MAML3: variants seen among roughly 807,000 people sequenced by gnomAD.
MAML3 encodes mastermind like transcriptional coactivator 3.
Under a neutral mutation model 101.9 loss-of-function variants are expected in MAML3, and 27 were observed. The ratio of observed to expected loss-of-function variants is 0.27; its 90% CI spans 0.20 to 0.37. The LOEUF (loss-of-function observed/expected upper bound fraction) is 0.37. MAML3 is among the 10% of genes least tolerant of loss of function. The probability of loss-of-function intolerance (pLI) is 1.00; values close to 1 mark genes in which losing one functional copy is unlikely to be tolerated. For missense variants in MAML3, 1,316 were observed against 1,444.9 expected (o/e 0.91, Z 1.45); for synonymous variants, 501 against 555.9 (o/e 0.90, Z 1.39).
chr4:139,729,571 A>G (rs1728619141), intron 3 of MAML3, among the ~76,000 whole-genome samples: 1 of 152,228 alleles, frequency 6.6e-6, no homozygotes, highest in Non-Finnish European at 1.5e-5. Context: ...CACACCTCCT[A>G]TAAGAAAGAG....
chr4:139,893,707 T>TTATC (rs1485006149), intron 1 of MAML3, among the ~76,000 whole-genome samples: 8 of 152,150 alleles, frequency 5.3e-5, no homozygotes, highest in Non-Finnish European at 1.2e-4. Context: ...CTAAAGAGTG[T>TTATC]TATCCACTTA....
At chr4:139,755,071 G>C (rs1415143643) in intron 2 of MAML3, among the ~76,000 whole-genome samples, 1 of 152,222 alleles carries the variant, frequency 6.6e-6, no homozygotes, top group Non-Finnish European at 1.5e-5. Context: ...TGTCTGCTCA[G>C]AGCAAGGCCC....
Position 140,007,081 on chromosome 4 carries a change from C to T in MAML3, c.469-116114G>A, listed in dbSNP as rs947651563. On this transcript the variant is annotated intron_variant, in intron 1 of 4. Coordinates refer to ENST00000509479, the MANE Select transcript of MAML3 (RefSeq NM_018717.5). The stretch of plus-strand genomic sequence containing the variant: ...CATATCCTATAACATAGGATGTTGC[C>T]GTATATATTGCTGGGGCAAATATTT... Among the ~76,000 whole-genome samples, 67 of 152,130 alleles carry T rather than the reference C, an allele frequency of 4.4e-4. 2 individuals carry two copies. The highest frequency in any genetic ancestry group is 2.1e-4 in the South Asian group (1 of 4,808).
intron 2 of MAML3, among the ~76,000 whole-genome samples, chr4:139,773,273 C>A (rs1359017149): frequency 6.6e-6 from 1 of 152,112 alleles, no homozygotes; most frequent in Non-Finnish European, 1.5e-5. Context: ...CCTACCCAGT[C>A]CCAAGCATCC....
chr4:139,803,620 G>C (rs1338486854), intron 2 of MAML3, among the ~76,000 whole-genome samples: 1 of 152,132 alleles, frequency 6.6e-6, no homozygotes, highest in Non-Finnish European at 1.5e-5. Flanking sequence ...GCAGCTGAAA[G>C]TTACTAATAC....
intron 2 of MAML3, among the ~76,000 whole-genome samples, chr4:139,811,667 T>C (rs1730798789): frequency 6.6e-6 from 1 of 152,220 alleles, no homozygotes. Flanking sequence ...TTCTTAGACA[T>C]AAAGGGTCAG....
At chr4:139,875,038 C>T (rs1226138034) in intron 2 of MAML3, among the ~76,000 whole-genome samples, 5 of 152,072 alleles carry the variant, frequency 3.3e-5, no homozygotes, top group Admixed American at 6.6e-5. Flanking sequence ...CTCCTGACCT[C>T]GTGATCTGCC....
rs1448100347 is a variant in MAML3 at position 139,720,024 on chromosome 4, C to T, written c.2716G>A (p.Gly906Arg). The T allele has an allele frequency of 3.1e-6, 5 of 1,614,084 alleles. No homozygotes were observed. Among genetic ancestry groups the T allele is most frequent in the Non-Finnish European group, 3.4e-6 (4 of 1,179,902 alleles). Reference sequence around the variant, plus strand: ...CCACTCACCATTCCAACCCCCTGCCCAGAGGCAGGTTGCCTCGGTCCCTGG... The same window carrying T: ...CCACTCACCATTCCAACCCCCTGCCTAGAGGCAGGTTGCCTCGGTCCCTGG... ...QAQGPRQPAS[G>R]QGVGMVSGFG... Residue 906 changes from glycine to arginine, a missense_variant, in exon 5 of 5, where the codon GGG becomes AGG. Transcript: ENST00000509479.
intron 1 of MAML3, among the ~76,000 whole-genome samples, chr4:139,900,787 C>G (rs572425351): frequency 6.6e-6 from 1 of 152,340 alleles, no homozygotes; most frequent in African/African-American, 2.4e-5. Context: ...GAAGTTGACT[C>G]ACTGCTTACT....
intron 1 of MAML3, among the ~76,000 whole-genome samples, chr4:140,144,608 G>A (rs1729027375): frequency 6.6e-6 from 1 of 150,462 alleles, no homozygotes; most frequent in Non-Finnish European, 1.5e-5. Context: ...CATGGCAGTA[G>A]TAATAATTTA....
chr4:140,009,477 G>A (rs1277219268), intron 1 of MAML3, among the ~76,000 whole-genome samples: 1 of 152,170 alleles, frequency 6.6e-6, no homozygotes, highest in Non-Finnish European at 1.5e-5. Flanking sequence ...CTTAGCAAGA[G>A]ATCTTTTCCT....
chr4:139,820,386 A>G (rs924666517), intron 2 of MAML3, among the ~76,000 whole-genome samples: 1 of 152,124 alleles, frequency 6.6e-6, no homozygotes, highest in Non-Finnish European at 1.5e-5. Flanking sequence ...CTATCCTATC[A>G]CTCATTTCAC....
At chr4:139,958,493 T>C (rs770671215) in intron 1 of MAML3, among the ~76,000 whole-genome samples, 9 of 152,198 alleles carry the variant, frequency 5.9e-5, no homozygotes, top group Non-Finnish European at 1.3e-4. Context: ...GGTGTACAGT[T>C]ACAATTGCCA....
chr4:139,983,747 T>TA (rs1734485868), intron 1 of MAML3, among the ~76,000 whole-genome samples: 1 of 152,172 alleles, frequency 6.6e-6, no homozygotes, highest in Non-Finnish European at 1.5e-5. Context: ...GGTGAAGATG[T>TA]AAAATATCAT....
intron 3 of MAML3, among the ~76,000 whole-genome samples, chr4:139,728,290 C>T (rs1392766166): frequency 6.6e-6 from 1 of 152,186 alleles, no homozygotes; most frequent in Non-Finnish European, 1.5e-5. Context: ...ACTAAATCTG[C>T]ACCCTCCTCA....
At chr4:139,900,816 T>C (rs972660033) in intron 1 of MAML3, among the ~76,000 whole-genome samples, 1 of 152,248 alleles carries the variant, frequency 6.6e-6, no homozygotes, top group Non-Finnish European at 1.5e-5. Flanking sequence ...CAATATATTA[T>C]TGTCATACAA....
intron 1 of MAML3, among the ~76,000 whole-genome samples, chr4:139,897,852 C>T (rs1578653513): frequency 6.6e-6 from 1 of 152,218 alleles, no homozygotes. Flanking sequence ...CATTACCTCT[C>T]ATCTTCCCCG....
At chr4:139,965,147 T>G (rs924179680) in intron 1 of MAML3, among the ~76,000 whole-genome samples, 8 of 151,772 alleles carry the variant, frequency 5.3e-5, no homozygotes, top group African/African-American at 1.7e-4. Context: ...ACTTTGTTAC[T>G]GAAAAGTAGA....
intron 2 of MAML3, among the ~76,000 whole-genome samples, chr4:139,751,292 T>G: frequency 6.6e-6 from 1 of 152,202 alleles, no homozygotes; most frequent in East Asian, 1.9e-4. Flanking sequence ...ATCCAAAATA[T>G]TTGGGATCAG....
Sources: allele counts gnomAD v4.1 joint callset (sites outside exome capture counted in the v4.1 genomes callset), GRCh38; gene constraint gnomAD v4.1.1; transcripts MANE v1.5; gene names NCBI Gene and HGNC (gene_info 2026-07-23, HGNC 2026-07-21).